The following CDH18 variants were observed in gnomAD, a reference collection of about 807,000 sequenced individuals.
The protein encoded by CDH18 is cadherin 18.
In CDH18, 31 loss-of-function variants were observed where a neutral mutation model predicts 67.9. The ratio of observed to expected loss-of-function variants is 0.46; its 90% CI spans 0.34 to 0.62. The LOEUF (loss-of-function observed/expected upper bound fraction) is 0.62. Ranked by LOEUF, CDH18 falls within the 20% of genes least tolerant of loss-of-function variation. The probability of loss-of-function intolerance (pLI) is 0.01; values close to 1 mark genes in which losing one functional copy is unlikely to be tolerated. For synonymous variants in CDH18, 362 were observed against 347.2 expected, an observed-to-expected ratio of 1.04 and a Z score of -0.48; for missense variants, 890 against 975.5, an observed-to-expected ratio of 0.91 and a Z score of 1.17.
intron 2 of CDH18, among the ~76,000 whole-genome samples, chr5:19,965,759 C>CA (rs1797367629): frequency 4.0e-5 from 6 of 149,428 alleles, no homozygotes; most frequent in East Asian, 1.9e-4. Context: ...AAGAGAGAGG[C>CA]GGGTAGAAAG....
chr5:19,519,329 G>A (rs551422653), intron 10 of CDH18, among the ~76,000 whole-genome samples: 1 of 152,228 alleles, frequency 6.6e-6, no homozygotes, highest in African/African-American at 2.4e-5. Flanking sequence ...CCTCACAATT[G>A]TCCCTCATAC....
intron 1 of CDH18, among the ~76,000 whole-genome samples, chr5:20,515,554 C>G (rs1250293955): frequency 6.6e-6 from 1 of 151,836 alleles, no homozygotes; most frequent in East Asian, 1.9e-4. Flanking sequence ...TTGTTTAATT[C>G]TATTGAATAG....
chr5:20,187,887 C>G (rs945877290), intron 2 of CDH18, among the ~76,000 whole-genome samples: 4 of 151,168 alleles, frequency 2.6e-5, no homozygotes, highest in Non-Finnish European at 5.9e-5. Flanking sequence ...TAAAAATAAC[C>G]AATATTCCAA....
chr5:20,419,186 T>A (rs1161395250), intron 1 of CDH18, among the ~76,000 whole-genome samples: 1 of 152,082 alleles, frequency 6.6e-6, no homozygotes, highest in Non-Finnish European at 1.5e-5. Context: ...TGCTTCTCAA[T>A]TTTTTTCTCT....
chr5:20,535,362 A>G (rs763802882), intron 1 of CDH18, among the ~76,000 whole-genome samples: 10 of 151,384 alleles, frequency 6.6e-5, no homozygotes, highest in Non-Finnish European at 1.3e-4. Context: ...TAAATTCCCC[A>G]TTTTTCCCTC....
intron 1 of CDH18, among the ~76,000 whole-genome samples, chr5:20,507,164 C>T (rs1427524340): frequency 6.6e-6 from 1 of 152,206 alleles, no homozygotes; most frequent in Non-Finnish European, 1.5e-5. Context: ...AGTTTTGAGC[C>T]AGCCCAGTGA....
At chr5:19,585,822 C>G (rs118076126) in intron 7 of CDH18, among the ~76,000 whole-genome samples, 1,887 of 152,214 alleles carry the variant, frequency 0.012, 40 homozygotes, top group East Asian at 0.066. Flanking sequence ...GCTTCCCATT[C>G]TCTCTCCACC....
At chr5:20,075,576 T>C (rs974174870) in intron 2 of CDH18, among the ~76,000 whole-genome samples, 10 of 152,072 alleles carry the variant, frequency 6.6e-5, no homozygotes, top group African/African-American at 2.2e-4. Flanking sequence ...GGCCATGAGA[T>C]AGGACCTAAG....
chr5:20,087,948 T>C (rs1356652309), intron 2 of CDH18, among the ~76,000 whole-genome samples: 1 of 152,200 alleles, frequency 6.6e-6, no homozygotes, highest in South Asian at 2.1e-4. Flanking sequence ...AACATGATTA[T>C]GATGCAGAAA....
intron 1 of CDH18, among the ~76,000 whole-genome samples, chr5:20,462,395 A>C (rs908169459): frequency 4.6e-5 from 7 of 152,302 alleles, no homozygotes; most frequent in African/African-American, 1.7e-4. Context: ...GGGTACAAAC[A>C]TACAGTTGGA....
At chr5:19,862,727 C>G (rs190054560) in intron 2 of CDH18, among the ~76,000 whole-genome samples, 5 of 152,306 alleles carry the variant, frequency 3.3e-5, no homozygotes, top group Non-Finnish European at 7.3e-5. Flanking sequence ...TATCTATATT[C>G]ATGTTTCCTG....
intron 12 of CDH18, among the ~76,000 whole-genome samples, chr5:19,476,597 T>C (rs1337918016): frequency 6.6e-6 from 1 of 152,120 alleles, no homozygotes; most frequent in African/African-American, 2.4e-5. Context: ...AGATTTATCA[T>C]GCACGATATA....
chr5:19,783,765 T>C (rs1277668156), intron 3 of CDH18, among the ~76,000 whole-genome samples: 3 of 152,144 alleles, frequency 2.0e-5, no homozygotes, highest in African/African-American at 7.2e-5. Context: ...ATGTCTGACA[T>C]TGAGTACTAA....
At position 20,199,960 on chromosome 5, in the gene CDH18, T is replaced by C. The variant is rs548203932; in HGVS notation, c.-518+55484A>G. Among the ~76,000 whole-genome samples, 72 of 152,254 alleles carry C rather than the reference T, an allele frequency of 4.7e-4. 2 individuals carry two copies. Among genetic ancestry groups the C allele is most frequent in the Admixed American group, 2.7e-3 (42 of 15,276 alleles). ...CTATGATTCTCGATTTCCTGAGGCC[T>C]CCCCGGCCATATGCAACTGTGAATC... On this transcript the variant is annotated intron_variant, in intron 2 of 14. Transcript: ENST00000507958.
At chr5:20,189,808 G>T (rs1274278630) in intron 2 of CDH18, among the ~76,000 whole-genome samples, 20 of 152,048 alleles carry the variant, frequency 1.3e-4, no homozygotes, top group Admixed American at 1.3e-3. Flanking sequence ...TCAATTTTAG[G>T]TGTCAACTAT....
chr5:20,127,117 ATGG>A (rs1748899056), intron 2 of CDH18, among the ~76,000 whole-genome samples: 1 of 152,150 alleles, frequency 6.6e-6, no homozygotes, highest in Admixed American at 6.5e-5. Flanking sequence ...TGATTAAATC[ATGG>A]GGTGGTTTCC....
chr5:20,126,676 A>C (rs995796401), intron 2 of CDH18, among the ~76,000 whole-genome samples: 4 of 152,224 alleles, frequency 2.6e-5, no homozygotes, highest in African/African-American at 9.6e-5. Context: ...ATTTCTCTAA[A>C]GAAAGCATAC....
intron 1 of CDH18, among the ~76,000 whole-genome samples, chr5:20,546,744 T>TACACACAC (rs1321490632): frequency 4.2e-5 from 3 of 71,898 alleles, no homozygotes; most frequent in Non-Finnish European, 8.7e-5. Flanking sequence ...ATCACATACA[T>TACACACAC]ACATAGACAC....
intron 2 of CDH18, among the ~76,000 whole-genome samples, chr5:20,154,578 C>T (rs1288252378): frequency 6.6e-6 from 1 of 152,078 alleles, no homozygotes; most frequent in Non-Finnish European, 1.5e-5. Flanking sequence ...AAAAATATAT[C>T]TGTAATTGAT....
Sources: allele counts gnomAD v4.1 joint callset (sites outside exome capture counted in the v4.1 genomes callset), GRCh38; gene constraint gnomAD v4.1.1; transcripts MANE v1.5; gene names NCBI Gene and HGNC (gene_info 2026-07-23, HGNC 2026-07-21).